CSMD3: variants seen among roughly 807,000 people sequenced by gnomAD.
CSMD3 encodes CUB and Sushi multiple domains 3.
A neutral mutation model predicts 435.2 loss-of-function variants in CSMD3; 177 were observed. The observed-to-expected ratio is 0.41, with a 90% confidence interval of 0.36 to 0.46. CSMD3 has a LOEUF of 0.46. CSMD3 is among the 20% of genes least tolerant of loss of function. The probability of loss-of-function intolerance (pLI) is 0.34; values close to 1 mark genes in which losing one functional copy is unlikely to be tolerated. For synonymous variants in CSMD3, 1,656 were observed against 1,520.5 expected, an observed-to-expected ratio of 1.09 and a Z score of -2.07; for missense variants, 4,265 against 4,504.6, an observed-to-expected ratio of 0.95 and a Z score of 1.52.
At chr8:112,573,749 C>T (rs2131303219) in intron 23 of CSMD3, 92 bp from the exon 24 acceptor site, 3 of 1,051,974 alleles carry the variant, frequency 2.9e-6, no homozygotes, top group Non-Finnish European at 2.8e-6. Flanking sequence ...GAAAAGTGTA[C>T]TTTTTCTAAA....
intron 2 of CSMD3, among the ~76,000 whole-genome samples, chr8:113,286,029 AT>A (rs574967855): frequency 9.9e-4 from 147 of 148,604 alleles, no homozygotes; most frequent in African/African-American, 3.0e-3. Context: ...ATTAGCTGGT[AT>A]TTTTTTTTTC....
chr8:112,983,577 TTAAC>T (rs2085133962), intron 6 of CSMD3, among the ~76,000 whole-genome samples: 1 of 150,502 alleles, frequency 6.6e-6, no homozygotes, highest in East Asian at 1.9e-4. Flanking sequence ...GATTAATTGT[TTAAC>T]TATTCCACTT....
At chr8:112,551,015 T>C (rs552963277) in intron 26 of CSMD3, 142 bp from the exon 27 acceptor site, 1 of 644,316 alleles carries the variant, frequency 1.6e-6, no homozygotes, top group East Asian at 2.8e-5. Flanking sequence ...ACAGCATATA[T>C]TCTTAATATA....
At chr8:113,358,096 T>TA (rs2094244971) in intron 1 of CSMD3, among the ~76,000 whole-genome samples, 1 of 152,214 alleles carries the variant, frequency 6.6e-6, no homozygotes, top group African/African-American at 2.4e-5. Context: ...AATGGATGGA[T>TA]ATTTTGCACA....
At chr8:112,311,281 T>C in intron 49 of CSMD3, 115 bp from the exon 50 acceptor site, 3 of 789,874 alleles carry the variant, frequency 3.8e-6, no homozygotes, top group South Asian at 2.9e-5. Flanking sequence ...GTCATCTATG[T>C]AAATTTTACT....
intron 3 of CSMD3, among the ~76,000 whole-genome samples, chr8:113,187,890 A>G (rs1176519269): frequency 6.6e-6 from 1 of 151,978 alleles, no homozygotes; most frequent in Non-Finnish European, 1.5e-5. Context: ...AAATTGCCTT[A>G]CGCTTGCCTA....
intron 3 of CSMD3, among the ~76,000 whole-genome samples, chr8:113,238,619 A>G (rs2093176852): frequency 6.6e-6 from 1 of 152,088 alleles, no homozygotes; most frequent in Non-Finnish European, 1.5e-5. Context: ...CATATTAGTC[A>G]GATGTAGGAT....
chr8:113,363,747 T>C (rs2094293137), intron 1 of CSMD3, among the ~76,000 whole-genome samples: 1 of 152,210 alleles, frequency 6.6e-6, no homozygotes, highest in African/African-American at 2.4e-5. Flanking sequence ...ACGCTTAACT[T>C]AATCATATCT....
intron 6 of CSMD3, among the ~76,000 whole-genome samples, chr8:113,012,397 A>G (rs2086287773): frequency 6.6e-6 from 1 of 151,872 alleles, no homozygotes; most frequent in South Asian, 2.1e-4. Flanking sequence ...ATCTATGTCT[A>G]ATATGGTTTG....
chr8:112,827,224 TTG>T (rs1232250773), intron 12 of CSMD3, among the ~76,000 whole-genome samples: 2 of 125,708 alleles, frequency 1.6e-5, no homozygotes, highest in African/African-American at 5.9e-5. Flanking sequence ...CTACCCACAA[TTG>T]TGTGATACCA....
At chr8:112,624,232 C>T (rs760740329) in intron 22 of CSMD3, among the ~76,000 whole-genome samples, 7 of 152,004 alleles carry the variant, frequency 4.6e-5, no homozygotes, top group Non-Finnish European at 8.8e-5. Flanking sequence ...TTCTTAAAAG[C>T]TTTCCAAATT....
In CSMD3 at chr8:113,185,775, G is replaced by A. The variant is rs556437774; in HGVS notation, c.515-11859C>T. Among the ~76,000 whole-genome samples the A allele has an allele frequency of 4.5e-4, 68 of 152,100 alleles. 1 individual carries two copies. In the South Asian group the frequency reaches 0.012, roughly 27 times the overall value. On this transcript the variant is annotated intron_variant, in intron 3 of 70. Transcript: ENST00000297405. ...TGTGTGTGTGCATGTGCACGCGTGC[G>A]TGTATATGTGTGTTGTAACAGCACT...
At chr8:112,677,611 A>C (rs1204922178) in intron 16 of CSMD3, among the ~76,000 whole-genome samples, 2 of 151,416 alleles carry the variant, frequency 1.3e-5, no homozygotes, top group Non-Finnish European at 2.9e-5. Context: ...ATCAATGCAA[A>C]GCCAAAAGGA....
At chr8:112,976,282 C>A in intron 6 of CSMD3, 134 bp from the exon 7 acceptor site, 3 of 1,016,108 alleles carry the variant, frequency 3.0e-6, no homozygotes, top group Non-Finnish European at 4.4e-6. Context: ...AACACAAACA[C>A]GCGAGTAAAT....
intron 13 of CSMD3, among the ~76,000 whole-genome samples, chr8:112,698,947 G>C (rs1022038889): frequency 3.3e-5 from 5 of 151,940 alleles, no homozygotes; most frequent in Non-Finnish European, 7.4e-5. Flanking sequence ...AGCGCTCCTT[G>C]TCTAGCTAAA....
intron 32 of CSMD3, among the ~76,000 whole-genome samples, chr8:112,415,693 G>T (rs1233653807): frequency 6.6e-6 from 1 of 152,200 alleles, no homozygotes; most frequent in South Asian, 2.1e-4. Flanking sequence ...GTTTTACCCT[G>T]CAATGCCACA....
intron 5 of CSMD3, among the ~76,000 whole-genome samples, chr8:113,082,659 T>C (rs562818991): frequency 6.6e-6 from 1 of 152,094 alleles, no homozygotes; most frequent in African/African-American, 2.4e-5. Context: ...AATAATAATT[T>C]TAAGGAAACT....
chr8:112,987,434 A>T (rs191569309), intron 6 of CSMD3, among the ~76,000 whole-genome samples: 6 of 152,284 alleles, frequency 3.9e-5, no homozygotes, highest in Non-Finnish European at 8.8e-5. Context: ...TTTTTAAAAC[A>T]TGGCATAAAA....
intron 32 of CSMD3, among the ~76,000 whole-genome samples, chr8:112,423,991 G>A (rs1425840457): frequency 6.6e-6 from 1 of 152,012 alleles, no homozygotes; most frequent in Non-Finnish European, 1.5e-5. Context: ...TTTTAACAAA[G>A]TTTCATACTT....
Sources: allele counts gnomAD v4.1 joint callset (sites outside exome capture counted in the v4.1 genomes callset), GRCh38; gene constraint gnomAD v4.1.1; transcripts MANE v1.5; gene names NCBI Gene and HGNC (gene_info 2026-07-23, HGNC 2026-07-21).